The following CYP2R1 variants were observed in gnomAD, a reference collection of about 807,000 sequenced individuals.
The protein encoded by CYP2R1 is cytochrome P450 family 2 subfamily R member 1, also known as vitamin D 25-hydroxylase.
In CYP2R1, 40 loss-of-function variants were observed where a neutral mutation model predicts 45.7. The observed-to-expected ratio is 0.87, with a 90% CI of 0.68 to 1.14. The LOEUF (loss-of-function observed/expected upper bound fraction) is 1.14, where lower values mean the gene tolerates loss of function less well. Among genes scored for constraint, CYP2R1 ranks in the 50% most tolerant of loss-of-function variants. CYP2R1 has a pLI of 0.00. For synonymous variants in CYP2R1, 234 were observed against 219.3 expected (o/e 1.07, Z -0.59); for missense variants, 605 against 602.6 (o/e 1.00, Z -0.04).
upstream of CYP2R1, chr11:14,892,333 A>C: frequency 1.1e-6 from 1 of 891,680 alleles, no homozygotes; most frequent in East Asian, 2.6e-5. Flanking sequence ...TGGCTGACTG[A>C]GTGAGCGCTC....
intron 1 of CYP2R1, among the ~76,000 whole-genome samples, chr11:14,889,306 GGTATA>G (rs1848740131): frequency 6.6e-6 from 1 of 151,982 alleles, no homozygotes; most frequent in Non-Finnish European, 1.5e-5. Flanking sequence ...TCCAAAAAAA[GGTATA>G]GTATTTTAAC....
intron 2 of CYP2R1, 55 bp downstream of exon 2, chr11:14,885,721 G>A (rs1848589580): frequency 6.4e-7 from 1 of 1,566,332 alleles, no homozygotes; most frequent in Non-Finnish European, 8.8e-7. Flanking sequence ...CTTAAAATAA[G>A]GAATGTGATT....
chr11:14,890,713 AT>A (rs1848814533), intron 1 of CYP2R1, among the ~76,000 whole-genome samples: 1 of 151,498 alleles, frequency 6.6e-6, no homozygotes, highest in Non-Finnish European at 1.5e-5. Flanking sequence ...CGCCCGGCTA[AT>A]TTTTTGTATT....
chr11:14,878,704 T>C (rs1378867635), intron 4 of CYP2R1, among the ~76,000 whole-genome samples: 1 of 152,082 alleles, frequency 6.6e-6, no homozygotes, highest in African/African-American at 2.4e-5. Flanking sequence ...TTGTGTACCT[T>C]TTCACAGAAG....
Position 14,879,454 on chromosome 11 carries a change from A to T in CYP2R1, c.1001-11T>A. 6.3e-7 allele frequency: 1 copy of T among 1,583,740 alleles called. No individual in the cohort carries two copies. Among genetic ancestry groups the T allele is most frequent in the Non-Finnish European group, 8.6e-7 (1 of 1,166,408 alleles). On this transcript the variant is annotated splice_polypyrimidine_tract_variant and intron_variant, in intron 3 of 4. Transcript: ENST00000334636. ...CTTTCTGAACTTGTCCTGTCAGAGA[A>T]AAAGTATTCAAGTTATTATGCAGTT...
Position 14,877,845 on chromosome 11 carries a change from T to TA in CYP2R1, c.*276dup. 5.1e-6 allele frequency: 2 copies of TA among 389,596 alleles called. No homozygotes were observed. The highest frequency in any genetic ancestry group is 9.5e-5 in the East Asian group (2 of 20,954). The allele number at this position is 389,596 out of a possible 1,614,324, so 24.1% of individuals were successfully genotyped here. A position where few individuals can be genotyped will look rare whatever the true frequency, so the allele number is the denominator to read the frequency against. On this transcript the variant is annotated 3_prime_UTR_variant, in exon 5 of 5. Transcript: ENST00000334636. ...CTGGTACTAAACAAGATGCTCAGCT[T>TA]AGGGCGTCCATGACCCTTCTTAGCA... is the stretch of plus-strand genomic sequence containing the variant.
chr11:14,885,969 T>C (rs1555014450), intron 1 of CYP2R1, 52 bp from the exon 2 acceptor site: 1 of 1,571,178 alleles, frequency 6.4e-7, no homozygotes, highest in Admixed American at 1.7e-5. Flanking sequence ...TATGGAGAAA[T>C]ATAACCATGG....
intron 1 of CYP2R1, among the ~76,000 whole-genome samples, chr11:14,889,189 T>C (rs541413771): frequency 6.8e-6 from 1 of 147,804 alleles, no homozygotes; most frequent in African/African-American, 2.5e-5. Context: ...TCTGTGAGCA[T>C]ACATCTCAAA....
rs1444800915 is a variant in CYP2R1, at chr11:14,891,695, AG to A, written c.225+285del. ...CTGGCGAGCCAAACGGCGCAGGCGCAGGAGCAAGAGCTCGAGCGGTAGCGGG... is the reference window on the plus strand; with the variant it reads ...CTGGCGAGCCAAACGGCGCAGGCGCAGAGCAAGAGCTCGAGCGGTAGCGGG... On this transcript the variant is annotated intron_variant, in intron 1 of 4. Coordinates refer to ENST00000334636, the MANE Select transcript of CYP2R1 (RefSeq NM_024514.5). 5 of 1,198,968 alleles carry A rather than the reference AG, an allele frequency of 4.2e-6. No homozygotes were observed. The East Asian group carries it at 2.4e-4, about 57-fold the overall frequency. The allele number at this position is 1,198,968 out of a possible 1,614,324, so 74.3% of individuals were successfully genotyped here. A position where few individuals can be genotyped will look rare whatever the true frequency, so the allele number is the denominator to read the frequency against.
At chr11:14,891,629 T>G (rs1425627044) in intron 1 of CYP2R1, 6 of 1,094,300 alleles carry the variant, frequency 5.5e-6, no homozygotes, top group Non-Finnish European at 6.7e-6. Context: ...CGCCCGCACC[T>G]GAGGGCATGC....
chr11:14,884,951 T>C (rs1848555857), intron 2 of CYP2R1, among the ~76,000 whole-genome samples: 1 of 152,154 alleles, frequency 6.6e-6, no homozygotes, highest in South Asian at 2.1e-4. Context: ...CAAGTATCAT[T>C]ATACTCTGGC....
chr11:14,887,589 G>C (rs1848669057), intron 1 of CYP2R1: 1 of 984,746 alleles, frequency 1.0e-6, no homozygotes, highest in Non-Finnish European at 1.2e-6. Context: ...TTATAATGCT[G>C]GCAGAGATGT....
At chr11:14,891,641 T>G (rs888443205) in intron 1 of CYP2R1, 1 of 1,120,464 alleles carries the variant, frequency 8.9e-7, no homozygotes, top group Non-Finnish European at 1.1e-6. Flanking sequence ...AGGGCATGCG[T>G]CCACCCTGGA....
intron 4 of CYP2R1, 48 bp downstream of exon 4, chr11:14,879,066 T>C (rs374274399): frequency 3.5e-6 from 5 of 1,418,058 alleles, no homozygotes; most frequent in African/African-American, 1.4e-5. Context: ...TCTAATGAAT[T>C]ATCATTATCC....
In CYP2R1 at chr11:14,879,173, C is replaced by T. The variant is rs199962113; in HGVS notation, c.1271G>A (p.Arg424Gln). ...WRDPEVFHPE[R>Q]FLDSSGYFAK... ...AAAATATCCACTGCTGTCCAGAAAT[C>T]GCTCAGGATGGAACACTTCTGGGTC... Residue 424 changes from arginine to glutamine, a missense_variant, in exon 4 of 5, where the codon CGA becomes CAA. Transcript: ENST00000334636. The T allele has an allele frequency of 1.9e-5, 31 of 1,613,194 alleles. No homozygotes were observed. The highest frequency in any genetic ancestry group is 8.8e-5 in the South Asian group (8 of 91,054).
At chr11:14,891,149 C>CCACACA in intron 1 of CYP2R1, 2 of 985,442 alleles carry the variant, frequency 2.0e-6, no homozygotes, top group Non-Finnish European at 2.4e-6. Context: ...GTCGGGACAC[C>CCACACA]CACACACAAG....
At position 14,892,130 on chromosome 11, in the gene CYP2R1, C is replaced by G; in HGVS notation, c.76G>C (p.Gly26Arg). ...CTCTGCTTCAGCAGCTGGCGGACCC[C>G]TAGCGCGAAGAGCAGCAGGAAGAGC... ...GALFLLLFAL[G>R]VRQLLKQRRP... Residue 26 changes from glycine (G) to arginine (R), a missense_variant, in exon 1 of 5, where the codon GGG becomes CGG. By Grantham distance (125) the Gly-to-Arg change is moderately radical. Coordinates refer to ENST00000334636, the MANE Select transcript of CYP2R1 (RefSeq NM_024514.5). The G allele has an allele frequency of 7.4e-6, 12 of 1,611,616 alleles. No individual in the cohort carries two copies. The highest frequency in any genetic ancestry group is 1.0e-5 in the Non-Finnish European group (12 of 1,179,728).
intron 1 of CYP2R1, among the ~76,000 whole-genome samples, chr11:14,887,975 G>GCAT (rs1848684788): frequency 6.6e-6 from 1 of 152,090 alleles, no homozygotes; most frequent in African/African-American, 2.4e-5. Flanking sequence ...TCTCAACGTG[G>GCAT]CATTCTCTTG....
chr11:14,884,433 C>CA (rs764459462), intron 2 of CYP2R1, among the ~76,000 whole-genome samples: 6 of 149,404 alleles, frequency 4.0e-5, no homozygotes, highest in East Asian at 4.0e-4. Context: ...ATCGCAAGAA[C>CA]AAAAAACCAA....
Sources: gnomAD v4.1 joint callset for allele counts (sites outside exome capture counted in the v4.1 genomes callset) on GRCh38, gnomAD v4.1.1 for gene constraint, MANE v1.5 for transcripts, NCBI Gene and HGNC (gene_info 2026-07-23, HGNC 2026-07-21) for gene names.